Variants in GSE1 observed in about 807,000 individuals in gnomAD.
GSE1 encodes genetic suppressor element 1.
A neutral mutation model predicts 112.6 loss-of-function variants in GSE1; 32 were observed. The ratio of observed to expected loss-of-function variants is 0.28; its 90% confidence interval spans 0.21 to 0.38. The LOEUF (loss-of-function observed/expected upper bound fraction) is 0.38, where lower values mean the gene tolerates loss of function less well. Among genes scored for constraint, GSE1 ranks in the 10% least tolerant of loss-of-function variants. GSE1 has a pLI of 1.00. For missense variants in GSE1, 2,348 were observed against 1,699.2 expected, an observed-to-expected ratio of 1.38 and a Z score of -6.71; for synonymous variants, 1,115 against 735.6, an observed-to-expected ratio of 1.52 and a Z score of -8.35.
rs1362412361 is a variant in GSE1 at position 85,673,044 on chromosome 16, T to C, written c.*505T>C. ...GGGTGCATTGTCAGTAAAAAGGGCT[T>C]ATTTGTTTCATTTTACTTTCCTGCA... is the stretch of plus-strand genomic sequence containing the variant. On this transcript the variant is annotated 3_prime_UTR_variant, in exon 16 of 16. Transcript: ENST00000253458. 6.6e-6 allele frequency: 1 copy of C among 152,080 alleles called. No individual in the cohort carries two copies. The highest frequency in any genetic ancestry group is 1.9e-4 in the East Asian group (1 of 5,198). 9.4% of individuals were successfully genotyped at this position (152,080 alleles called of 1,614,324 possible). A position where few individuals can be genotyped will look rare whatever the true frequency, so the allele number is the denominator to read the frequency against.
chr16:85,238,727 C>T (rs1356748487), intron 1 of GSE1, among the ~76,000 whole-genome samples: 2 of 152,126 alleles, frequency 1.3e-5, no homozygotes, highest in Admixed American at 6.5e-5. Context: ...GGTGGGGGAC[C>T]ATCAGTCAGG....
At chr16:85,527,549 C>A (rs1431851593) in intron 2 of GSE1, among the ~76,000 whole-genome samples, 1 of 152,270 alleles carries the variant, frequency 6.6e-6, no homozygotes, top group African/African-American at 2.4e-5. Context: ...GCTGGGGAGG[C>A]GGTTACTTCC....
At chr16:85,650,489 C>G (rs1291214169) in intron 3 of GSE1, among the ~76,000 whole-genome samples, 1 of 152,228 alleles carries the variant, frequency 6.6e-6, no homozygotes, top group Non-Finnish European at 1.5e-5. Context: ...GAGCTCCTGG[C>G]CTAGACCCAG....
At chr16:85,578,441 A>G (rs1471791049) in intron 1 of GSE1, among the ~76,000 whole-genome samples, 2 of 152,188 alleles carry the variant, frequency 1.3e-5, no homozygotes, top group African/African-American at 4.8e-5. Context: ...GGGGCAGCTA[A>G]GGCTCAGAGA....
At chr16:85,599,455 G>C (rs570995744) in intron 1 of GSE1, among the ~76,000 whole-genome samples, 7 of 152,352 alleles carry the variant, frequency 4.6e-5, no homozygotes, top group African/African-American at 1.7e-4. Flanking sequence ...ATGTGGGTGA[G>C]GGAGGTGGGG....
intron 2 of GSE1, among the ~76,000 whole-genome samples, chr16:85,484,702 T>G (rs1401335789): frequency 6.6e-6 from 1 of 152,190 alleles, no homozygotes; most frequent in East Asian, 1.9e-4. Context: ...CTCCTTCAAT[T>G]GCACAGCAGA....
chr16:85,639,338 G>C (rs1275434816), intron 2 of GSE1, among the ~76,000 whole-genome samples: 2 of 152,280 alleles, frequency 1.3e-5, no homozygotes, highest in East Asian at 1.9e-4. Context: ...CTCCCTCCCT[G>C]CCTCTCCTAC....
chr16:85,379,402 A>G (rs2047496166), intron 2 of GSE1, among the ~76,000 whole-genome samples: 1 of 152,208 alleles, frequency 6.6e-6, no homozygotes. Flanking sequence ...TGTCAGATGT[A>G]GAAGGGAGAA....
intron 1 of GSE1, among the ~76,000 whole-genome samples, chr16:85,293,363 T>A (rs1199080118): frequency 6.6e-6 from 1 of 151,978 alleles, no homozygotes; most frequent in Non-Finnish European, 1.5e-5. Flanking sequence ...CTGGTCAACA[T>A]GGTGAAACCC....
intron 1 of GSE1, 124 bp from the exon 2 acceptor site, chr16:85,633,790 T>G: frequency 1.5e-6 from 1 of 678,494 alleles, no homozygotes; most frequent in East Asian, 2.7e-5. Context: ...CTTGTCCTGC[T>G]GGAGCCCCCG....
intron 2 of GSE1, among the ~76,000 whole-genome samples, chr16:85,439,086 C>T (rs1459350400): frequency 6.6e-6 from 1 of 152,248 alleles, no homozygotes; most frequent in Non-Finnish European, 1.5e-5. Flanking sequence ...CTCTGGCCCT[C>T]TGAGGCCCCC....
chr16:85,200,825 C>G (rs892632348), intron 1 of GSE1, among the ~76,000 whole-genome samples: 13 of 152,190 alleles, frequency 8.5e-5, no homozygotes, highest in Admixed American at 6.5e-4. Context: ...GCAGCCACCA[C>G]CACCGTCCGT....
At chr16:85,667,021 C>A (rs149837039) in intron 13 of GSE1, among the ~76,000 whole-genome samples, 2 of 152,226 alleles carry the variant, frequency 1.3e-5, no homozygotes, top group African/African-American at 4.8e-5. Flanking sequence ...ATAGGTGATA[C>A]GCAGATACTA....
intron 3 of GSE1, among the ~76,000 whole-genome samples, chr16:85,653,197 TCCCC>T (rs1567725448): frequency 5.7e-4 from 1 of 1,740 alleles, no homozygotes; most frequent in Non-Finnish European, 1.5e-3. Context: ...GCCCCCCTCC[TCCCC>T]CCTCCTCCCC....
At chr16:85,512,009 C>T (rs914564111) in intron 2 of GSE1, among the ~76,000 whole-genome samples, 1 of 152,184 alleles carries the variant, frequency 6.6e-6, no homozygotes, top group Non-Finnish European at 1.5e-5. Context: ...TCAGGGTCTC[C>T]ACGCAGGAGT....
intron 1 of GSE1, among the ~76,000 whole-genome samples, chr16:85,282,322 G>T (rs544484471): frequency 6.6e-6 from 1 of 152,200 alleles, no homozygotes; most frequent in Non-Finnish European, 1.5e-5. Flanking sequence ...CACCGCGCCC[G>T]GCTGGGTTGC....
chr16:85,413,134 G>A (rs2048620738), intron 2 of GSE1, among the ~76,000 whole-genome samples: 1 of 152,186 alleles, frequency 6.6e-6, no homozygotes, highest in Non-Finnish European at 1.5e-5. Flanking sequence ...CCATTTTGAA[G>A]CCTGTGTGTT....
chr16:85,367,134 G>A (rs1172907780), intron 2 of GSE1, among the ~76,000 whole-genome samples: 2 of 152,216 alleles, frequency 1.3e-5, no homozygotes, highest in African/African-American at 4.8e-5. Flanking sequence ...CAGGGACCTC[G>A]GCTGGTCCGT....
exon 1 of GSE1, chr16:85,170,941 C>T (rs569116065): frequency 1.7e-5 from 17 of 985,512 alleles, no homozygotes; most frequent in African/African-American, 3.5e-5. Context: ...AGAGGGCCTG[C>T]CCTCCGGGGC....
Sources: allele counts gnomAD v4.1 joint callset (sites outside exome capture counted in the v4.1 genomes callset), GRCh38; gene constraint gnomAD v4.1.1; transcripts MANE v1.5; gene names NCBI Gene and HGNC (gene_info 2026-07-23, HGNC 2026-07-21).